The following NKAIN2 variants were observed in gnomAD, a reference collection of about 807,000 sequenced individuals.
NKAIN2 encodes sodium/potassium-transporting ATPase subunit beta-1-interacting protein 2.
NKAIN2 carries 14 observed loss-of-function variants against 32.6 expected under a neutral mutation model. The ratio of observed to expected loss-of-function variants is 0.43; its 90% CI spans 0.28 to 0.67. The LOEUF (loss-of-function observed/expected upper bound fraction) is 0.67. Ranked by LOEUF, NKAIN2 falls within the 30% of genes least tolerant of loss-of-function variation. The pLI is 0.17. For missense variants in NKAIN2, 198 were observed against 258.3 expected (o/e 0.77, Z 1.60); for synonymous variants, 80 against 87.2 (o/e 0.92, Z 0.46).
intron 3 of NKAIN2, among the ~76,000 whole-genome samples, chr6:124,578,432 G>A (rs373918697): frequency 5.3e-5 from 8 of 152,088 alleles, no homozygotes; most frequent in African/African-American, 1.7e-4. Flanking sequence ...CAGTAGCCAG[G>A]CAGTACTTGC....
In NKAIN2 at chr6:124,354,844, G is replaced by GAA. The variant is rs3054410; in HGVS notation, c.193-406_193-405dup. Among the ~76,000 whole-genome samples the GAA allele has an allele frequency of 1.3e-3, 126 of 100,752 alleles. 3 individuals carry two copies. Among genetic ancestry groups the GAA allele is most frequent in the Middle Eastern group, 5.1e-3 (1 of 198 alleles). The allele number at this position is 100,752 out of a possible 152,430, so 66.1% of individuals were successfully genotyped here. A position where few individuals can be genotyped will look rare whatever the true frequency, so the allele number is the denominator to read the frequency against. ...TAATCCTATGAGTCCATAACAGTAA[G>GAA]AAAAAAAAAAAAAAAAAACTCAACA... On this transcript the variant is annotated intron_variant, in intron 2 of 6. Transcript: ENST00000368417.
chr6:124,706,920 C>T (rs1775108917), intron 4 of NKAIN2, among the ~76,000 whole-genome samples: 1 of 151,812 alleles, frequency 6.6e-6, no homozygotes, highest in South Asian at 2.1e-4. Flanking sequence ...ATACATGTGC[C>T]ATGCTGGTGC....
intron 1 of NKAIN2, among the ~76,000 whole-genome samples, chr6:124,177,191 T>C (rs1211758826): frequency 1.3e-5 from 2 of 152,194 alleles, no homozygotes; most frequent in Non-Finnish European, 2.9e-5. Context: ...GTCACATTTA[T>C]TGTAAAAATA....
chr6:124,347,785 C>T (rs1026503384), intron 2 of NKAIN2, among the ~76,000 whole-genome samples: 1 of 152,138 alleles, frequency 6.6e-6, no homozygotes, highest in African/African-American at 2.4e-5. Flanking sequence ...TTTGAATTTC[C>T]TCCTGTAGCT....
chr6:124,134,220 A>G (rs1351502385), intron 1 of NKAIN2, among the ~76,000 whole-genome samples: 1 of 152,200 alleles, frequency 6.6e-6, no homozygotes, highest in African/African-American at 2.4e-5. Context: ...TTCTGGAAAG[A>G]AAAGACACAC....
intron 1 of NKAIN2, among the ~76,000 whole-genome samples, chr6:123,953,547 A>G (rs1157157450): frequency 1.3e-5 from 2 of 151,970 alleles, no homozygotes; most frequent in Non-Finnish European, 2.9e-5. Context: ...CCTCGGACCT[A>G]TAGATGGTTT....
chr6:124,484,718 T>C (rs1425857406), intron 3 of NKAIN2, among the ~76,000 whole-genome samples: 1 of 152,136 alleles, frequency 6.6e-6, no homozygotes, highest in Non-Finnish European at 1.5e-5. Flanking sequence ...CTCCAGGACA[T>C]GGTTTTTCAT....
At chr6:124,011,811 C>T (rs1376282732) in intron 1 of NKAIN2, among the ~76,000 whole-genome samples, 1 of 152,114 alleles carries the variant, frequency 6.6e-6, no homozygotes, top group East Asian at 1.9e-4. Flanking sequence ...ATATTCCTGC[C>T]ACGAGACCCT....
chr6:124,048,161 C>T (rs1782231148), intron 1 of NKAIN2, among the ~76,000 whole-genome samples: 1 of 152,012 alleles, frequency 6.6e-6, no homozygotes, highest in East Asian at 1.9e-4. Flanking sequence ...CACTGCCCCT[C>T]ATTGGATGCT....
chr6:124,211,145 C>A (rs1791153154), intron 1 of NKAIN2, among the ~76,000 whole-genome samples: 1 of 151,796 alleles, frequency 6.6e-6, no homozygotes, highest in Admixed American at 6.6e-5. Context: ...ATTAAATTTT[C>A]CTTGTCTCTC....
intron 1 of NKAIN2, among the ~76,000 whole-genome samples, chr6:123,837,187 T>C (rs1247554864): frequency 6.6e-6 from 1 of 152,182 alleles, no homozygotes; most frequent in Non-Finnish European, 1.5e-5. Flanking sequence ...ATTTGATTTA[T>C]GCTGCATGTT....
intron 3 of NKAIN2, among the ~76,000 whole-genome samples, chr6:124,476,097 T>TGTGTGTGC (rs1491311913): frequency 3.9e-5 from 5 of 128,476 alleles, no homozygotes; most frequent in African/African-American, 1.4e-4. Context: ...TGTGTGTGTG[T>TGTGTGTGC]GCGTGCGCGC....
intron 4 of NKAIN2, among the ~76,000 whole-genome samples, chr6:124,732,607 TAACTC>T (rs1377003781): frequency 2.0e-5 from 3 of 152,052 alleles, no homozygotes; most frequent in Non-Finnish European, 2.9e-5. Context: ...AAAAAAGTAA[TAACTC>T]AAATAAGTAC....
chr6:124,390,673 TG>T (rs1773102045), intron 3 of NKAIN2: 1 of 152,160 alleles, frequency 6.6e-6, no homozygotes. Context: ...GATCTACCTA[TG>T]GGGCTTTCCC....
chr6:124,385,633 A>G (rs1199084985), intron 3 of NKAIN2, among the ~76,000 whole-genome samples: 1 of 152,108 alleles, frequency 6.6e-6, no homozygotes, highest in Non-Finnish European at 1.5e-5. Context: ...TTCTTCCACT[A>G]TAATTCATTC....
At chr6:124,339,501 ATTAC>A (rs1369950035) in intron 2 of NKAIN2, among the ~76,000 whole-genome samples, 3 of 152,078 alleles carry the variant, frequency 2.0e-5, no homozygotes, top group Non-Finnish European at 4.4e-5. Context: ...TAGCTGTGGG[ATTAC>A]CTGGTTTGTG....
At chr6:123,855,875 C>A (rs1038918344) in intron 1 of NKAIN2, among the ~76,000 whole-genome samples, 1 of 152,170 alleles carries the variant, frequency 6.6e-6, no homozygotes, top group African/African-American at 2.4e-5. Flanking sequence ...TTGAGGAATA[C>A]TAGGTTGGCC....
intron 3 of NKAIN2, among the ~76,000 whole-genome samples, chr6:124,472,718 TA>T (rs5879739): frequency 0.77 from 114,297 of 148,912 alleles, 43,680 homozygotes; most frequent in African/African-American, 0.78. Context: ...AGTAGGCAGA[TA>T]AAAAAAAAAA....
At chr6:124,415,128 A>G (rs1425423841) in intron 3 of NKAIN2, among the ~76,000 whole-genome samples, 1 of 152,184 alleles carries the variant, frequency 6.6e-6, no homozygotes, top group Non-Finnish European at 1.5e-5. Context: ...AATTTAGTTC[A>G]ATCCAGACAC....
Sources: allele counts gnomAD v4.1 joint callset (sites outside exome capture counted in the v4.1 genomes callset), GRCh38; gene constraint gnomAD v4.1.1; transcripts MANE v1.5; gene names NCBI Gene and HGNC (gene_info 2026-07-23, HGNC 2026-07-21).